SDK1: variants seen among roughly 807,000 people sequenced by gnomAD.
The protein encoded by SDK1 is protein sidekick-1.
In SDK1, 157 loss-of-function variants were observed where a neutral mutation model predicts 245.5. The observed-to-expected ratio is 0.64, with a 90% CI of 0.56 to 0.73. The LOEUF is 0.73. Among genes scored for constraint, SDK1 ranks in the 30% least tolerant of loss-of-function variants. The probability of loss-of-function intolerance (pLI) is 0.00; values close to 1 mark genes in which losing one functional copy is unlikely to be tolerated. For missense variants in SDK1, 3,583 were observed against 3,002.3 expected, an observed-to-expected ratio of 1.19 and a Z score of -4.52; for synonymous variants, 1,647 against 1,278.5, an observed-to-expected ratio of 1.29 and a Z score of -6.15.
At chr7:4,175,888 A>T (rs1214654491) in intron 34 of SDK1, 54 bp downstream of exon 34, 1 of 1,514,040 alleles carries the variant, frequency 6.6e-7, no homozygotes, top group Non-Finnish European at 9.1e-7. Flanking sequence ...CACTGTGCCC[A>T]GAGCCAGCTG....
intron 5 of SDK1, among the ~76,000 whole-genome samples, chr7:3,906,826 C>T (rs1173815756): frequency 6.6e-6 from 1 of 151,900 alleles, no homozygotes; most frequent in East Asian, 1.9e-4. Flanking sequence ...GACGGGGTTT[C>T]ACCATGTTGC....
chr7:3,321,428 A>C (rs560734376), intron 1 of SDK1, among the ~76,000 whole-genome samples: 6 of 152,280 alleles, frequency 3.9e-5, no homozygotes, highest in African/African-American at 1.4e-4. Flanking sequence ...GACTCAGCCT[A>C]GGAATGTGAA....
chr7:3,565,817 A>C (rs573034102), intron 1 of SDK1, among the ~76,000 whole-genome samples: 1 of 152,342 alleles, frequency 6.6e-6, no homozygotes, highest in Admixed American at 6.5e-5. Flanking sequence ...TGACAGGAAA[A>C]AGAAGTCTGT....
intron 5 of SDK1, among the ~76,000 whole-genome samples, chr7:3,824,848 G>A (rs1051894163): frequency 6.6e-6 from 1 of 152,136 alleles, no homozygotes; most frequent in Non-Finnish European, 1.5e-5. Flanking sequence ...CTGCTGTTTA[G>A]TGCATATTTA....
intron 1 of SDK1, among the ~76,000 whole-genome samples, chr7:3,411,853 C>T (rs1472984137): frequency 6.6e-6 from 1 of 152,050 alleles, no homozygotes; most frequent in Non-Finnish European, 1.5e-5. Flanking sequence ...GGACTTTGTT[C>T]ACTAGGTATG....
intron 17 of SDK1, among the ~76,000 whole-genome samples, chr7:4,038,519 A>G (rs955296496): frequency 2.0e-5 from 3 of 152,204 alleles, no homozygotes; most frequent in East Asian, 3.9e-4. Flanking sequence ...ATAATCCTCT[A>G]GACTGGGTTT....
intron 9 of SDK1, among the ~76,000 whole-genome samples, chr7:3,964,770 C>T (rs1781969620): frequency 1.3e-5 from 2 of 152,196 alleles, no homozygotes; most frequent in African/African-American, 4.8e-5. Flanking sequence ...ATCAGTGTCA[C>T]TGTGTGCACA....
At chr7:3,372,818 A>G (rs11761186) in intron 1 of SDK1, among the ~76,000 whole-genome samples, 74,087 of 152,090 alleles carry the variant, frequency 0.49, 19,348 homozygotes, top group East Asian at 0.62. Context: ...GCAAATGTGT[A>G]AAGGTGATGG....
At chr7:4,236,257 TC>T (rs1274325012) in intron 41 of SDK1, among the ~76,000 whole-genome samples, 1 of 152,048 alleles carries the variant, frequency 6.6e-6, no homozygotes, top group African/African-American at 2.4e-5. Flanking sequence ...CAGAACCTAC[TC>T]CCCTTCCAGG....
chr7:3,959,163 T>G, intron 8 of SDK1, 149 bp downstream of exon 8: 1 of 667,510 alleles, frequency 1.5e-6, no homozygotes, highest in Non-Finnish European at 2.6e-6. Context: ...CTTGGGGCAG[T>G]GACTGTGGGT....
chr7:4,234,407 C>T (rs1786014647), intron 41 of SDK1, among the ~76,000 whole-genome samples: 1 of 152,164 alleles, frequency 6.6e-6, no homozygotes, highest in African/African-American at 2.4e-5. Context: ...TGTCTGCAGT[C>T]AGCAGTCATG....
Position 4,222,584 on chromosome 7 carries a change from G to A in SDK1, c.5827+1220G>A, listed in dbSNP as rs536876750. 4.7e-4 allele frequency among the ~76,000 whole-genome samples: 72 copies of A among 152,298 alleles called. 1 individual carries two copies. In the South Asian group the frequency reaches 8.7e-3, roughly 18 times the overall value. ...TGACAGGATTACAGGCCTGAGCCAC[G>A]GTGCCCAGCCGCCTTCTAGAAACTT... is the stretch of plus-strand genomic sequence containing the variant. On this transcript the variant is annotated intron_variant, in intron 40 of 44. Transcript: ENST00000404826.
intron 1 of SDK1, among the ~76,000 whole-genome samples, chr7:3,462,168 GA>G (rs759794508): frequency 2.0e-5 from 3 of 152,118 alleles, no homozygotes; most frequent in Non-Finnish European, 4.4e-5. Flanking sequence ...TGACTTCAGT[GA>G]AACCAGGCCT....
intron 1 of SDK1, among the ~76,000 whole-genome samples, chr7:3,321,778 C>CCTTCCTTCCTTCCT: frequency 2.0e-5 from 1 of 50,376 alleles, no homozygotes; most frequent in Admixed American, 2.4e-4. Context: ...TTCCTTCCTT[C>CCTTCCTTCCTTCCT]TCCTTCCTTC....
At chr7:4,206,380 C>A (rs1394936451) in intron 36 of SDK1, among the ~76,000 whole-genome samples, 1 of 152,168 alleles carries the variant, frequency 6.6e-6, no homozygotes, top group Non-Finnish European at 1.5e-5. Context: ...CTGGAAGAGA[C>A]CAGGCTCCCC....
intron 1 of SDK1, among the ~76,000 whole-genome samples, chr7:3,366,958 T>G (rs192754539): frequency 0.02 from 3,027 of 152,136 alleles, 96 homozygotes; most frequent in African/African-American, 0.062. Context: ...GCCAGGATGG[T>G]CTCGATCTCC....
chr7:3,699,197 C>T (rs1026566569), intron 4 of SDK1, among the ~76,000 whole-genome samples: 5 of 152,064 alleles, frequency 3.3e-5, no homozygotes, highest in African/African-American at 4.8e-5. Flanking sequence ...CATGATATCC[C>T]CTAATGTCCA....
At chr7:4,183,134 A>T (rs567360439) in intron 35 of SDK1, among the ~76,000 whole-genome samples, 12 of 152,228 alleles carry the variant, frequency 7.9e-5, no homozygotes, top group African/African-American at 2.6e-4. Context: ...TCCACCTCTG[A>T]GCGGGGCCAC....
chr7:3,631,399 A>G (rs1052338037), intron 2 of SDK1, among the ~76,000 whole-genome samples: 4 of 152,132 alleles, frequency 2.6e-5, no homozygotes, highest in African/African-American at 9.7e-5. Flanking sequence ...AAAGGGCTTA[A>G]TTTCTCTAGT....
Sources: gnomAD v4.1 joint callset for allele counts (sites outside exome capture counted in the v4.1 genomes callset) on GRCh38, gnomAD v4.1.1 for gene constraint, MANE v1.5 for transcripts, NCBI Gene and HGNC (gene_info 2026-07-23, HGNC 2026-07-21) for gene names.